Variants in SDK2 observed in about 807,000 individuals in gnomAD.
SDK2 encodes protein sidekick-2.
In SDK2, 105 loss-of-function variants were observed where a neutral mutation model predicts 253.9. The ratio of observed to expected loss-of-function variants is 0.41; its 90% CI spans 0.35 to 0.49. The LOEUF is 0.49. Among genes scored for constraint, SDK2 ranks in the 20% least tolerant of loss-of-function variants. SDK2 has a pLI of 0.06. For synonymous variants in SDK2, 1,249 were observed against 1,234.9 expected, an observed-to-expected ratio of 1.01 and a Z score of -0.24; for missense variants, 2,608 against 3,003.0, an observed-to-expected ratio of 0.87 and a Z score of 3.07.
chr17:73,429,293 A>C (rs1020193378), intron 12 of SDK2, among the ~76,000 whole-genome samples: 1 of 152,234 alleles, frequency 6.6e-6, no homozygotes, highest in Non-Finnish European at 1.5e-5. Flanking sequence ...AAATCTATTA[A>C]ACCCAGAAAT....
intron 37 of SDK2, 85 bp downstream of exon 37, chr17:73,368,322 G>T (rs1177214869): frequency 1.2e-5 from 15 of 1,270,316 alleles, no homozygotes; most frequent in Non-Finnish European, 1.3e-5. Flanking sequence ...CCCCATGCCT[G>T]CCAAGAGCCC....
intron 29 of SDK2, among the ~76,000 whole-genome samples, chr17:73,390,065 G>GAAGAC (rs1440933618): frequency 6.6e-6 from 1 of 152,202 alleles, no homozygotes; most frequent in East Asian, 1.9e-4. Context: ...TTTCCCTTTA[G>GAAGAC]AAGACCAGAC....
At chr17:73,558,447 G>C (rs1418460699) in intron 1 of SDK2, among the ~76,000 whole-genome samples, 1 of 149,960 alleles carries the variant, frequency 6.7e-6, no homozygotes, top group African/African-American at 2.5e-5. Context: ...GGAGGGAGGG[G>C]AGAGGGAGGA....
chr17:73,403,284 A>G (rs2063043994), intron 18 of SDK2, among the ~76,000 whole-genome samples: 1 of 152,160 alleles, frequency 6.6e-6, no homozygotes, highest in South Asian at 2.1e-4. Context: ...TTTGTGGGTA[A>G]CTATTATCCT....
chr17:73,595,751 T>C (rs2045748608), intron 1 of SDK2, among the ~76,000 whole-genome samples: 1 of 152,006 alleles, frequency 6.6e-6, no homozygotes, highest in African/African-American at 2.4e-5. Flanking sequence ...GCAGTGTCAG[T>C]TCAAGGCTGG....
At chr17:73,414,607 T>G (rs368450817) in intron 18 of SDK2, 37 bp downstream of exon 18, 7 of 1,520,544 alleles carry the variant, frequency 4.6e-6, no homozygotes, top group Non-Finnish European at 6.4e-6. Flanking sequence ...CAGAAGATCT[T>G]AGGGCCTCCT....
intron 1 of SDK2, among the ~76,000 whole-genome samples, chr17:73,594,025 C>T (rs1292565857): frequency 6.6e-6 from 1 of 152,210 alleles, no homozygotes; most frequent in East Asian, 1.9e-4. Context: ...GAAAATGGCC[C>T]CACAACCCAC....
At chr17:73,631,555 TG>T (rs1156802659) in intron 1 of SDK2, among the ~76,000 whole-genome samples, 1 of 152,002 alleles carries the variant, frequency 6.6e-6, no homozygotes, top group African/African-American at 2.4e-5. Context: ...CCCAGGGGAA[TG>T]GGTGAGCAGG....
intron 1 of SDK2, chr17:73,519,793 G>T: frequency 6.6e-6 from 1 of 152,274 alleles, no homozygotes; most frequent in Non-Finnish European, 1.5e-5. Flanking sequence ...GCTGGGCCCC[G>T]CAGGGAGGAA....
intron 2 of SDK2, among the ~76,000 whole-genome samples, chr17:73,489,330 C>T (rs1434830445): frequency 6.6e-6 from 1 of 152,124 alleles, no homozygotes; most frequent in African/African-American, 2.4e-5. Flanking sequence ...CTCCAAATCC[C>T]AGGGACCTTA....
At chr17:73,574,627 T>C (rs1176397586) in intron 1 of SDK2, among the ~76,000 whole-genome samples, 4 of 152,142 alleles carry the variant, frequency 2.6e-5, no homozygotes, top group Admixed American at 2.0e-4. Context: ...AGGTCCTCTG[T>C]GGGCACACCA....
intron 39 of SDK2, among the ~76,000 whole-genome samples, chr17:73,359,842 G>C (rs140538840): frequency 5.3e-5 from 8 of 152,168 alleles, no homozygotes; most frequent in African/African-American, 1.7e-4. Flanking sequence ...GGGTTTTGCT[G>C]TATTGCCCAG....
rs976845772 is a variant in SDK2 at position 73,620,098 on chromosome 17, C to G, written c.64+23927G>C. On this transcript the variant is annotated intron_variant, in intron 1 of 44. Coordinates refer to ENST00000392650, the MANE Select transcript of SDK2 (RefSeq NM_001144952.2). Reference sequence around the variant, plus strand: ...CCCATAGTCCCAGCTATGTGGGGGGCTGAGGTAGGAGGATTGCTTAAGCCC... The same window carrying G: ...CCCATAGTCCCAGCTATGTGGGGGGGTGAGGTAGGAGGATTGCTTAAGCCC... Among the ~76,000 whole-genome samples, 3 of 151,490 alleles carry G rather than the reference C, an allele frequency of 2.0e-5. No homozygotes were observed. In the East Asian group the frequency reaches 5.8e-4, roughly 30 times the overall value.
At chr17:73,562,173 G>A (rs2045246123) in intron 1 of SDK2, among the ~76,000 whole-genome samples, 1 of 152,052 alleles carries the variant, frequency 6.6e-6, no homozygotes, top group South Asian at 2.1e-4. Context: ...AAGGATCCAA[G>A]TCAAAGCAAA....
At chr17:73,488,011 AG>A (rs2145724242) in intron 2 of SDK2, among the ~76,000 whole-genome samples, 1 of 147,490 alleles carries the variant, frequency 6.8e-6, no homozygotes, top group Non-Finnish European at 1.5e-5. Context: ...GGGCAAAGTA[AG>A]GATGACTGTC....
intron 2 of SDK2, among the ~76,000 whole-genome samples, chr17:73,506,107 T>C (rs904172435): frequency 5.9e-5 from 9 of 152,358 alleles, no homozygotes; most frequent in African/African-American, 2.2e-4. Flanking sequence ...ACGTGTGGTA[T>C]GCCATCCCAT....
rs750515841 is a variant in SDK2 at position 73,394,257 on chromosome 17, C to T, written c.3660G>A (p.Trp1220Ter). The change falls in exon 26 of 45, where the codon TGG becomes TGA. Residue 1220 changes from tryptophan (W) to a stop codon, truncating the protein, a stop_gained. Coordinates refer to ENST00000392650, the MANE Select transcript of SDK2 (RefSeq NM_001144952.2). LOFTEE classifies it high-confidence loss of function. ...ATTSSSMLVR[W>*]SEVPEADRNG... The stretch of plus-strand genomic sequence containing the variant: ...TGCGATCAGCCTCGGGGACCTCGCT[C>T]CAGCGCACCAGCATGCTGCTGGAGG... 1 of 1,602,696 alleles carries T rather than the reference C, an allele frequency of 6.2e-7. No individual in the cohort carries two copies.
At chr17:73,348,801 T>TG (rs2062508931) in intron 43 of SDK2, 76 bp from the exon 44 acceptor site, 1 of 1,193,776 alleles carries the variant, frequency 8.4e-7, no homozygotes, top group Non-Finnish European at 1.2e-6. Flanking sequence ...GAGACCACAG[T>TG]GGGGGCCTGG....
chr17:73,603,726 C>T (rs895376981), intron 1 of SDK2, among the ~76,000 whole-genome samples: 2 of 152,224 alleles, frequency 1.3e-5, no homozygotes, highest in Non-Finnish European at 2.9e-5. Context: ...AAGACGAAAC[C>T]AAGGCTTAGA....
Sources: gnomAD v4.1 joint callset for allele counts (sites outside exome capture counted in the v4.1 genomes callset) on GRCh38, gnomAD v4.1.1 for gene constraint, MANE v1.5 for transcripts, NCBI Gene and HGNC (gene_info 2026-07-23, HGNC 2026-07-21) for gene names.